Variants in IGDCC4 observed in about 807,000 individuals in gnomAD.
IGDCC4 encodes likely ortholog of mouse neighbor of Punc E11.
IGDCC4 carries 72 observed loss-of-function variants against 116.6 expected under a neutral mutation model. The observed-to-expected ratio is 0.62, with a 90% CI of 0.51 to 0.75. The LOEUF is 0.75. Ranked by LOEUF, IGDCC4 falls within the 30% of genes least tolerant of loss-of-function variation. The pLI, the probability that IGDCC4 is intolerant of heterozygous loss-of-function variation, is 0.00. For synonymous variants in IGDCC4, 709 were observed against 719.9 expected (o/e 0.98, Z 0.24); for missense variants, 1,501 against 1,662.4 (o/e 0.90, Z 1.69).
chr15:65,422,886 G>T lies in IGDCC4; in HGVS notation c.-24C>A. On this transcript the variant is annotated 5_prime_UTR_variant, in exon 1 of 20. Coordinates refer to ENST00000352385, the MANE Select transcript of IGDCC4 (RefSeq NM_020962.3). ...ATGGGGCTGGGCTCGGGCCGCCGCC[G>T]CCGCCGCCGCCTCCCCGTGCTTCGG... The T allele has an allele frequency of 9.5e-7, 1 of 1,054,458 alleles. No individual in the cohort carries two copies. Among genetic ancestry groups the T allele is most frequent in the Non-Finnish European group, 1.1e-6 (1 of 873,852 alleles). 65.3% of individuals were successfully genotyped at this position (1,054,458 alleles called of 1,614,324 possible).
rs113522870 is a variant in IGDCC4, at chr15:65,392,208, C to T, written c.2048G>A (p.Arg683His). The T allele has an allele frequency of 1.1e-4, 180 of 1,613,914 alleles. No homozygotes were observed. The highest frequency in any genetic ancestry group is 8.2e-4 in the Middle Eastern group (5 of 6,062). Residue 683 changes from arginine (R) to histidine (H), a missense_variant, in exon 11 of 20, where the codon CGT becomes CAT. Around this residue, in one of 3 missense-constraint regions of IGDCC4, gnomAD observed 898 missense variants for 978.9 expected, o/e 0.92. Coordinates refer to ENST00000352385, the MANE Select transcript of IGDCC4 (RefSeq NM_020962.3). Reference protein sequence around the residue: ...EANGDRLPGGRGDQAWDVGPV... With the variant: ...EANGDRLPGGHGDQAWDVGPV... Reference sequence around the variant, plus strand: ...CCCCACATCCCAAGCCTGGTCTCCACGGCCCCCTGGCAGGCGATCGCCATT... The same window carrying T: ...CCCCACATCCCAAGCCTGGTCTCCATGGCCCCCTGGCAGGCGATCGCCATT...
intron 1 of IGDCC4, among the ~76,000 whole-genome samples, chr15:65,421,158 C>A (rs1299624924): frequency 1.3e-5 from 2 of 152,182 alleles, no homozygotes; most frequent in Non-Finnish European, 2.9e-5. Context: ...CGGTCCCTCG[C>A]CTGCTTTGTG....
chr15:65,417,605 T>C (rs1157552273), intron 1 of IGDCC4, among the ~76,000 whole-genome samples: 2 of 152,192 alleles, frequency 1.3e-5, no homozygotes, highest in African/African-American at 4.8e-5. Context: ...CAGATTTTTT[T>C]TGCGGGGGGA....
Position 65,383,917 on chromosome 15 carries a change from C to T in IGDCC4, c.*92G>A. On this transcript the variant is annotated 3_prime_UTR_variant, in exon 20 of 20. Coordinates refer to ENST00000352385, the MANE Select transcript of IGDCC4 (RefSeq NM_020962.3). The stretch of plus-strand genomic sequence containing the variant: ...AGCTCCAAAGGGCTTGATGATGTAT[C>T]TACAGGCACACATGTGGACATACAC... 1 of 1,253,214 alleles carries T rather than the reference C, an allele frequency of 8.0e-7. No homozygotes were observed. The highest frequency in any genetic ancestry group is 1.1e-6 in the Non-Finnish European group (1 of 924,202). The allele number at this position is 1,253,214 out of a possible 1,614,324, so 77.6% of individuals were successfully genotyped here. A position where few individuals can be genotyped will look rare whatever the true frequency, so the allele number is the denominator to read the frequency against.
chr15:65,406,868 C>T (rs1435950860), intron 3 of IGDCC4, among the ~76,000 whole-genome samples: 3 of 152,070 alleles, frequency 2.0e-5, no homozygotes, highest in East Asian at 3.9e-4. Flanking sequence ...CTGAGCTAGA[C>T]GTTGGGGGTG....
At position 65,388,458 on chromosome 15, in the gene IGDCC4, TCTC is replaced by T; in HGVS notation, c.2833_2835del (p.Glu945del). ...TGCCCTGTGCTCATACCTGACAGCT[TCTC>T]CTGGAGCGTGATCACATCCTGCAGG... On this transcript the variant is annotated inframe_deletion, in exon 16 of 20. Transcript: ENST00000352385. The T allele has an allele frequency of 3.1e-6, 5 of 1,614,098 alleles. No homozygotes were observed. Among genetic ancestry groups the T allele is most frequent in the Non-Finnish European group, 3.4e-6 (4 of 1,180,020 alleles).
rs1030711851 is a variant in IGDCC4 at position 65,381,758 on chromosome 15, T to C, written c.*2251A>G. ...GGATTAATACCCTGTAAAAGGCCAATAGATTCTTTTCTAATAAAAATACTG... is the reference window on the plus strand; with the variant it reads ...GGATTAATACCCTGTAAAAGGCCAACAGATTCTTTTCTAATAAAAATACTG... On this transcript the variant is annotated 3_prime_UTR_variant, in exon 20 of 20. Transcript: ENST00000352385. 1 of 152,498 alleles carries C rather than the reference T, an allele frequency of 6.6e-6. No homozygotes were observed. The highest frequency in any genetic ancestry group is 1.5e-5 in the Non-Finnish European group (1 of 68,040). 9.4% of individuals were successfully genotyped at this position (152,498 alleles called of 1,614,324 possible). A position where few individuals can be genotyped will look rare whatever the true frequency, so the allele number is the denominator to read the frequency against.
rs2062935737 is a variant in IGDCC4, at chr15:65,397,078, G to A, written c.842-89C>T. On this transcript the variant is annotated intron_variant, in intron 5 of 19. Transcript: ENST00000352385. ...GAACCTCAGGAACACTCTGCACCCG[G>A]ATAAAGCAAACACAACCGTCCCTGG... 6 of 1,465,526 alleles carry A rather than the reference G, an allele frequency of 4.1e-6. No individual in the cohort carries two copies. The South Asian group carries it at 6.4e-5, about 16-fold the overall frequency. The allele number at this position is 1,465,526 out of a possible 1,614,324, so 90.8% of individuals were successfully genotyped here. A position where few individuals can be genotyped will look rare whatever the true frequency, so the allele number is the denominator to read the frequency against.
rs78283820 is a variant in IGDCC4 at position 65,383,726 on chromosome 15, G to C, written c.*283C>G. The C allele has an allele frequency of 9.8e-5, 32 of 325,590 alleles. No homozygotes were observed. The highest frequency in any genetic ancestry group is 1.4e-4 in the Admixed American group (3 of 21,350). 20.2% of individuals were successfully genotyped at this position (325,590 alleles called of 1,614,324 possible). On this transcript the variant is annotated 3_prime_UTR_variant, in exon 20 of 20. Transcript: ENST00000352385. ...CTGTAGTGACCACTGCCTGGGCCACGGTTTCCCAGCTCAACAACCAGTACG... is the reference window on the plus strand; with the variant it reads ...CTGTAGTGACCACTGCCTGGGCCACCGTTTCCCAGCTCAACAACCAGTACG...
chr15:65,383,778 A>C lies in IGDCC4; in HGVS notation c.*231T>G, dbSNP rs1395926719. Reference sequence around the variant, plus strand: ...ATACATGCACTTCACACATGTGCACATCACATGTAGCTATGTCTCGTATGT... The same window carrying C: ...ATACATGCACTTCACACATGTGCACCTCACATGTAGCTATGTCTCGTATGT... On this transcript the variant is annotated 3_prime_UTR_variant, in exon 20 of 20. Coordinates refer to ENST00000352385, the MANE Select transcript of IGDCC4 (RefSeq NM_020962.3). The C allele has an allele frequency of 1.3e-5, 6 of 471,932 alleles. No homozygotes were observed. Among genetic ancestry groups the C allele is most frequent in the Non-Finnish European group, 2.2e-5 (6 of 267,496 alleles). The allele number at this position is 471,932 out of a possible 1,614,324, so 29.2% of individuals were successfully genotyped here.
intron 1 of IGDCC4, among the ~76,000 whole-genome samples, chr15:65,422,325 G>A (rs1411361430): frequency 6.6e-6 from 1 of 151,806 alleles, no homozygotes; most frequent in Non-Finnish European, 1.5e-5. Context: ...AAACACAATT[G>A]CACACGCACC....
Position 65,393,301 on chromosome 15 carries a change from G to T in IGDCC4, c.1885+60C>A. ...AGGGGGTGGGGCGCTGGGTCCCAAG[G>T]ACACACGCACACCCACACAGTCACA... On this transcript the variant is annotated intron_variant, in intron 10 of 19. Coordinates refer to ENST00000352385, the MANE Select transcript of IGDCC4 (RefSeq NM_020962.3). This position sits in a 1 kb window ranked among gnomAD's most constrained non-coding sequence, Gnocchi z 4.6. 2 of 1,499,254 alleles carry T rather than the reference G, an allele frequency of 1.3e-6. No homozygotes were observed. Among genetic ancestry groups the T allele is most frequent in the South Asian group, 1.4e-5 (1 of 72,878 alleles). 92.9% of individuals were successfully genotyped at this position (1,499,254 alleles called of 1,614,324 possible). A position where few individuals can be genotyped will look rare whatever the true frequency, so the allele number is the denominator to read the frequency against.
chr15:65,388,108 G>A (rs2091476280), intron 16 of IGDCC4, among the ~76,000 whole-genome samples: 3 of 152,016 alleles, frequency 2.0e-5, no homozygotes, highest in Admixed American at 6.5e-5. Flanking sequence ...GCCGGGCATG[G>A]TGGTGTGTGC....
At chr15:65,410,131 C>A in intron 3 of IGDCC4, 47 bp downstream of exon 3, 2 of 1,605,964 alleles carry the variant, frequency 1.2e-6, no homozygotes, top group African/African-American at 1.3e-5. Flanking sequence ...ACCCCAGAGC[C>A]CTCTCTGCCC....
chr15:65,396,220 C>G (rs1390137381), intron 6 of IGDCC4, 57 bp from the exon 7 acceptor site: 52 of 1,322,930 alleles, frequency 3.9e-5, no homozygotes, highest in South Asian at 2.6e-4. Context: ...GTCTCTGCCC[C>G]CCCCCCAGTA....
rs114206553 is a variant in IGDCC4, at chr15:65,395,356, A to G, written c.1412-98T>C. 8.9e-5 allele frequency: 109 copies of G among 1,220,462 alleles called. No homozygotes were observed. In the African/African-American group the frequency reaches 1.4e-3, roughly 16 times the overall value. The allele number at this position is 1,220,462 out of a possible 1,614,324, so 75.6% of individuals were successfully genotyped here. On this transcript the variant is annotated intron_variant, in intron 7 of 19. Coordinates refer to ENST00000352385, the MANE Select transcript of IGDCC4 (RefSeq NM_020962.3). The stretch of plus-strand genomic sequence containing the variant: ...AATCCTTCATATTGTCCTGGTGTCT[A>G]TTTATAGCTAAATCATCCCAGATAA...
chr15:65,384,268 T>G lies in IGDCC4; in HGVS notation c.3494A>C (p.Asp1165Ala). The G allele has an allele frequency of 6.5e-7, 1 of 1,545,400 alleles. No individual in the cohort carries two copies. The highest frequency in any genetic ancestry group is 1.1e-5 in the South Asian group (1 of 88,658). The change falls in exon 20 of 20, where the codon GAT becomes GCT. Residue 1165 changes from aspartate to alanine, a missense_variant. By Grantham distance (126) the Asp-to-Ala change is moderately radical. Around this residue, in one of 3 missense-constraint regions of IGDCC4, gnomAD observed 368 missense variants for 355.6 expected, o/e 1.03. Coordinates refer to ENST00000352385, the MANE Select transcript of IGDCC4 (RefSeq NM_020962.3). The surrounding 1 kb of genome is among the most constrained non-coding windows in gnomAD (Gnocchi z 4.9). ...TGGATCCCCAACACCCGAGATGAGATCAGGAGCCTCTGGAGGCAGGGGGTC... is the reference window on the plus strand; with the variant it reads ...TGGATCCCCAACACCCGAGATGAGAGCAGGAGCCTCTGGAGGCAGGGGGTC... Reference protein sequence around the residue: ...PEDPLPPEAPDLISGVGDPGQ... With the variant: ...PEDPLPPEAPALISGVGDPGQ...
intron 3 of IGDCC4, 110 bp downstream of exon 3, chr15:65,410,068 T>A (rs1443526639): frequency 8.4e-6 from 11 of 1,303,288 alleles, no homozygotes; most frequent in East Asian, 2.4e-5. Flanking sequence ...AACACTCAAG[T>A]CAGCTTAGGT....
chr15:65,418,235 A>G (rs1256934450), intron 1 of IGDCC4, among the ~76,000 whole-genome samples: 2 of 152,216 alleles, frequency 1.3e-5, no homozygotes, highest in African/African-American at 4.8e-5. Context: ...GAGATAGAAC[A>G]GCTGAAGTCC....
Sources: gnomAD v4.1 joint callset for allele counts (sites outside exome capture counted in the v4.1 genomes callset) on GRCh38, gnomAD v4.1.1 for gene constraint, gnomAD v4.1.1 regional missense constraint, Gnocchi (gnomAD v3.1) non-coding constraint, MANE v1.5 for transcripts, NCBI Gene and HGNC (gene_info 2026-07-23, HGNC 2026-07-21) for gene names.